The following POLA1 variants were observed in gnomAD, a reference collection of about 807,000 sequenced individuals.
POLA1 encodes DNA polymerase alpha catalytic subunit.
In POLA1, 15 loss-of-function variants were observed where a neutral mutation model predicts 124.0. The observed-to-expected ratio is 0.12, with a 90% CI of 0.08 to 0.19. The LOEUF is 0.19. POLA1 is among the 10% of genes least tolerant of loss of function. The probability of loss-of-function intolerance (pLI) is 1.00; values close to 1 mark genes in which losing one functional copy is unlikely to be tolerated. For synonymous variants in POLA1, 408 were observed against 389.4 expected (o/e 1.05, Z -0.56); for missense variants, 886 against 1,103.4 (o/e 0.80, Z 2.79).
intron 26 of POLA1, among the ~76,000 whole-genome samples, chrX:24,756,312 A>G (rs112604247): frequency 0.034 from 3,759 of 111,053 alleles, 154 homozygotes; most frequent in African/African-American, 0.12. Context: ...CTGTAATCCT[A>G]GCGCTTTGGG....
chrX:24,745,015 A>G (rs1203113531), intron 23 of POLA1, among the ~76,000 whole-genome samples: 3 of 89,753 alleles, frequency 3.3e-5, no homozygotes, highest in African/African-American at 1.3e-4. Context: ...GGGGTGGGAG[A>G]GTAGGTAGGA....
At chrX:24,733,251 G>A (rs1406481480) in intron 16 of POLA1, among the ~76,000 whole-genome samples, 1 of 112,189 alleles carries the variant, frequency 8.9e-6, no homozygotes, top group Non-Finnish European at 1.9e-5. Context: ...AAATGGTGAT[G>A]AGAATAGCCT....
At chrX:24,782,617 G>A (rs970745105) in intron 26 of POLA1, among the ~76,000 whole-genome samples, 1 of 111,191 alleles carries the variant, frequency 9.0e-6, no homozygotes, top group East Asian at 2.8e-4. Flanking sequence ...CCCTCAGAGG[G>A]TATCATTTTT....
intron 35 of POLA1, among the ~76,000 whole-genome samples, chrX:24,901,394 T>C (rs1476750236): frequency 9.0e-6 from 1 of 110,999 alleles, no homozygotes; most frequent in African/African-American, 3.3e-5. Flanking sequence ...GTGCTTGGCA[T>C]ATTTAAAAAA....
intron 34 of POLA1, among the ~76,000 whole-genome samples, chrX:24,885,921 C>T (rs1443796754): frequency 1.8e-5 from 2 of 112,402 alleles, no homozygotes; most frequent in Non-Finnish European, 3.8e-5. Context: ...TTAAGCTGTA[C>T]ATGTCCATTA....
chrX:24,840,333 G>A (rs192382186), intron 32 of POLA1, among the ~76,000 whole-genome samples: 1 of 111,836 alleles, frequency 8.9e-6, no homozygotes, highest in Non-Finnish European at 1.9e-5. Flanking sequence ...TGCTTGCCAC[G>A]CAGTAGGCAG....
chrX:24,815,877 TTTCTG>T (rs1157500183), intron 30 of POLA1, among the ~76,000 whole-genome samples: 3 of 112,144 alleles, frequency 2.7e-5, no homozygotes, highest in African/African-American at 9.7e-5. Context: ...TTTTTGCACA[TTTCTG>T]TACTGTTGAA....
chrX:24,850,527 T>G (rs111398544), intron 34 of POLA1, among the ~76,000 whole-genome samples: 76 of 112,239 alleles, frequency 6.8e-4, no homozygotes, highest in African/African-American at 2.1e-3. Context: ...CTCTTTTATT[T>G]CATTTAATCA....
intron 35 of POLA1, among the ~76,000 whole-genome samples, chrX:24,911,511 A>G (rs1186341177): frequency 9.0e-6 from 1 of 110,658 alleles, no homozygotes; most frequent in Non-Finnish European, 1.9e-5. Context: ...GGAGAAAAGA[A>G]AGATCTCAAG....
intron 30 of POLA1, 76 bp downstream of exon 30, chrX:24,815,187 CTCAT>C: frequency 1.1e-6 from 1 of 901,934 alleles, no homozygotes; most frequent in Non-Finnish European, 1.5e-6. Context: ...GAAGAACCAC[CTCAT>C]CCTTGCAATT....
intron 34 of POLA1, among the ~76,000 whole-genome samples, chrX:24,886,012 C>T (rs2047060844): frequency 8.9e-6 from 1 of 112,092 alleles, no homozygotes; most frequent in Non-Finnish European, 1.9e-5. Context: ...AATACACCCT[C>T]AAAATTAAAC....
At chrX:24,870,636 A>G (rs762162163) in intron 34 of POLA1, among the ~76,000 whole-genome samples, 16 of 111,894 alleles carry the variant, frequency 1.4e-4, no homozygotes, top group African/African-American at 5.2e-4. Flanking sequence ...GTTTTATTAT[A>G]TAAAACATCA....
intron 33 of POLA1, 63 bp downstream of exon 33, chrX:24,841,893 C>A: frequency 8.7e-6 from 7 of 808,980 alleles, no homozygotes; most frequent in Non-Finnish European, 9.0e-6. Context: ...CCCCTTCCCC[C>A]ACTATGGGGT....
rs146965656 is a variant in POLA1, at chrX:24,859,729, C to T, written c.4047+16052C>T. Among the ~76,000 whole-genome samples, 11 of 112,486 alleles carry T rather than the reference C, an allele frequency of 9.8e-5. No homozygotes were observed. The East Asian group carries it at 3.1e-3, about 31-fold the overall frequency. On this transcript the variant is annotated intron_variant, in intron 34 of 36. Transcript: ENST00000379068. ...GCAAAGCATAGTGCCAGGGACATGG[C>T]TGACACAGGATTTGCTTATTTGAGC...
At chrX:24,739,302 C>CA in intron 19 of POLA1, 73 bp from the exon 20 acceptor site, 1 of 762,373 alleles carries the variant, frequency 1.3e-6, no homozygotes, top group Non-Finnish European at 1.9e-6. Flanking sequence ...GGGCCAGCTT[C>CA]AAAATAGGTT....
intron 34 of POLA1, among the ~76,000 whole-genome samples, chrX:24,885,908 T>C (rs1043346453): frequency 4.4e-5 from 5 of 112,397 alleles, no homozygotes; most frequent in Non-Finnish European, 9.4e-5. Flanking sequence ...CTAAAGTACA[T>C]TATTAAGCTG....
chrX:24,878,032 T>G (rs1047584135), intron 34 of POLA1, among the ~76,000 whole-genome samples: 3 of 110,061 alleles, frequency 2.7e-5, no homozygotes, highest in African/African-American at 9.9e-5. Flanking sequence ...TGGGTTTACA[T>G]TCTACATCAC....
At chrX:24,894,899 A>G (rs890668087) in intron 35 of POLA1, among the ~76,000 whole-genome samples, 1 of 108,025 alleles carries the variant, frequency 9.3e-6, no homozygotes, top group African/African-American at 3.4e-5. Flanking sequence ...TGATCCTCCC[A>G]AGTATCTGGG....
chrX:24,907,089 G>A (rs2047379102), intron 35 of POLA1, among the ~76,000 whole-genome samples: 1 of 111,417 alleles, frequency 9.0e-6, no homozygotes, highest in African/African-American at 3.3e-5. Flanking sequence ...TACTCAGGAG[G>A]CTGAGACACG....
Sources: allele counts gnomAD v4.1 joint callset (sites outside exome capture counted in the v4.1 genomes callset), GRCh38; gene constraint gnomAD v4.1.1; transcripts MANE v1.5; gene names NCBI Gene and HGNC (gene_info 2026-07-23, HGNC 2026-07-21).